Variants in PAN3 observed in about 807,000 individuals in gnomAD.
The protein encoded by PAN3 is poly(A) specific ribonuclease subunit PAN3.
In PAN3, 19 loss-of-function variants were observed where a neutral mutation model predicts 96.2. The observed-to-expected ratio is 0.20, with a 90% CI of 0.14 to 0.29. The LOEUF (loss-of-function observed/expected upper bound fraction) is 0.29, where lower values mean the gene tolerates loss of function less well. Ranked by LOEUF, PAN3 falls within the 10% of genes least tolerant of loss-of-function variation. PAN3 has a pLI of 1.00. For missense variants in PAN3, 882 were observed against 1,108.1 expected (o/e 0.80, Z 2.90); for synonymous variants, 433 against 406.6 (o/e 1.06, Z -0.78).
At chr13:28,246,065 G>A (rs995790705) in intron 6 of PAN3, among the ~76,000 whole-genome samples, 1 of 151,930 alleles carries the variant, frequency 6.6e-6, no homozygotes, top group African/African-American at 2.4e-5. Context: ...CCACTGTTAG[G>A]GTCATAGCAA....
intron 1 of PAN3, among the ~76,000 whole-genome samples, chr13:28,167,369 C>G (rs1470424925): frequency 1.3e-5 from 2 of 151,786 alleles, no homozygotes; most frequent in Non-Finnish European, 2.9e-5. Flanking sequence ...CCATGTTGGC[C>G]GGGTTGGTCT....
chr13:28,165,643 G>A (rs1873446752), intron 1 of PAN3, among the ~76,000 whole-genome samples: 1 of 152,108 alleles, frequency 6.6e-6, no homozygotes, highest in South Asian at 2.1e-4. Flanking sequence ...ATTCTATAGT[G>A]TCTTAGTTCA....
chr13:28,222,414 G>GGAA (rs1253740361), intron 6 of PAN3, among the ~76,000 whole-genome samples: 1 of 151,944 alleles, frequency 6.6e-6, no homozygotes, highest in Middle Eastern at 3.2e-3. Flanking sequence ...TGGAACCATT[G>GGAA]GAAATAGGTC....
At chr13:28,214,516 A>G in intron 5 of PAN3, 1 of 270,948 alleles carries the variant, frequency 3.7e-6, no homozygotes, top group Non-Finnish European at 7.1e-6. Flanking sequence ...CTAACAGCCA[A>G]AATGGGAAGA....
chr13:28,289,263 T>G (rs987733956), intron 18 of PAN3, among the ~76,000 whole-genome samples: 1 of 151,988 alleles, frequency 6.6e-6, no homozygotes, highest in African/African-American at 2.4e-5. Context: ...GATCATAAAT[T>G]TATTTGAGAG....
At chr13:28,245,828 G>A (rs538570122) in intron 6 of PAN3, among the ~76,000 whole-genome samples, 15 of 152,208 alleles carry the variant, frequency 9.9e-5, no homozygotes, top group African/African-American at 2.2e-4. Context: ...AGGTTCATCC[G>A]TGTTGTAGTG....
chr13:28,143,225 A>G (rs1194010313), intron 1 of PAN3, among the ~76,000 whole-genome samples: 2 of 151,920 alleles, frequency 1.3e-5, no homozygotes, highest in Non-Finnish European at 2.9e-5. Flanking sequence ...AGTAGCTGGG[A>G]CTACAGGTAT....
chr13:28,142,075 G>C (rs1869926279), intron 1 of PAN3, among the ~76,000 whole-genome samples: 2 of 152,156 alleles, frequency 1.3e-5, no homozygotes, highest in South Asian at 4.1e-4. Flanking sequence ...GAAGCCTAAG[G>C]CTCCTCTTTT....
intron 14 of PAN3, among the ~76,000 whole-genome samples, chr13:28,273,611 AAG>A (rs1025983219): frequency 3.9e-5 from 6 of 152,124 alleles, no homozygotes; most frequent in African/African-American, 1.4e-4. Flanking sequence ...AAAAAAAAAA[AAG>A]AGAATAGTTG....
At chr13:28,210,014 G>C (rs1879846790) in intron 5 of PAN3, among the ~76,000 whole-genome samples, 1 of 152,006 alleles carries the variant, frequency 6.6e-6, no homozygotes, top group Admixed American at 6.6e-5. Context: ...GAACTCCTGA[G>C]CTCAAGTGAT....
chr13:28,221,144 A>G (rs1313464835), intron 6 of PAN3, among the ~76,000 whole-genome samples: 1 of 152,170 alleles, frequency 6.6e-6, no homozygotes, highest in Non-Finnish European at 1.5e-5. Flanking sequence ...TAGTATAAAA[A>G]TATTTAAATT....
At chr13:28,179,541 C>T (rs1875488680) in intron 4 of PAN3, among the ~76,000 whole-genome samples, 1 of 151,916 alleles carries the variant, frequency 6.6e-6, no homozygotes, top group South Asian at 2.1e-4. Flanking sequence ...ATACCAAGAC[C>T]CCATCTCTTA....
At chr13:28,257,045 A>G (rs541930837) in intron 7 of PAN3, among the ~76,000 whole-genome samples, 32 of 152,282 alleles carry the variant, frequency 2.1e-4, no homozygotes, top group African/African-American at 7.7e-4. Flanking sequence ...TCTTATGCTC[A>G]GGAGATAGAG....
Position 28,177,861 on chromosome 13 carries a change from T to A in PAN3, c.620-4T>A. The A allele has an allele frequency of 6.2e-7, 1 of 1,612,062 alleles. No homozygotes were observed. Among genetic ancestry groups the A allele is most frequent in the African/African-American group, 1.3e-5 (1 of 74,982 alleles). On this transcript the variant is annotated splice_polypyrimidine_tract_variant and splice_region_variant and intron_variant, in intron 3 of 18. Coordinates refer to ENST00000380958, the MANE Select transcript of PAN3 (RefSeq NM_175854.8). ...TGTGGAAACTTACGTAACTTACCTT[T>A]CAGATCCTCTAACATCACCTGCTTC...
chr13:28,209,699 G>C (rs907850173), intron 5 of PAN3, among the ~76,000 whole-genome samples: 1 of 151,728 alleles, frequency 6.6e-6, no homozygotes, highest in African/African-American at 2.4e-5. Context: ...CTAGATCAAG[G>C]GCATGCTTAT....
Position 28,292,591 on chromosome 13 carries a change from A to C in PAN3, c.*69A>C, listed in dbSNP as rs1593653070. On this transcript the variant is annotated 3_prime_UTR_variant, in exon 19 of 19. Transcript: ENST00000380958. ...CAATAGCAAATTGCACTACAGCTGA[A>C]CTTTTCATCATCTCATTCACATTTG... The C allele has an allele frequency of 7.0e-7, 1 of 1,431,354 alleles. No homozygotes were observed. The highest frequency in any genetic ancestry group is 9.3e-7 in the Non-Finnish European group (1 of 1,071,632). The allele number at this position is 1,431,354 out of a possible 1,614,324, so 88.7% of individuals were successfully genotyped here.
intron 5 of PAN3, among the ~76,000 whole-genome samples, chr13:28,198,674 T>G (rs754492738): frequency 7.2e-5 from 11 of 152,250 alleles, no homozygotes; most frequent in Non-Finnish European, 1.6e-4. Context: ...ATTAACCAAA[T>G]TTCAATTTAG....
intron 1 of PAN3, among the ~76,000 whole-genome samples, chr13:28,162,434 C>T (rs1872990968): frequency 6.6e-6 from 1 of 152,080 alleles, no homozygotes; most frequent in African/African-American, 2.4e-5. Flanking sequence ...CCTGTAATCC[C>T]AGCACTTTGG....
intron 1 of PAN3, among the ~76,000 whole-genome samples, chr13:28,139,870 C>T (rs1264203308): frequency 1.3e-5 from 2 of 152,078 alleles, no homozygotes; most frequent in Non-Finnish European, 2.9e-5. Context: ...CATGTGCAGC[C>T]TGCGTTTATG....
Sources: allele counts gnomAD v4.1 joint callset (sites outside exome capture counted in the v4.1 genomes callset), GRCh38; gene constraint gnomAD v4.1.1; transcripts MANE v1.5; gene names NCBI Gene and HGNC (gene_info 2026-07-23, HGNC 2026-07-21).